ADGRB3: variants seen among roughly 807,000 people sequenced by gnomAD.
ADGRB3 encodes brain-specific angiogenesis inhibitor 3.
A neutral mutation model predicts 193.4 loss-of-function variants in ADGRB3; 37 were observed. The ratio of observed to expected loss-of-function variants is 0.19; its 90% CI spans 0.15 to 0.25. The LOEUF is 0.25. ADGRB3 is among the 10% of genes least tolerant of loss of function. The pLI, the probability that ADGRB3 is intolerant of heterozygous loss-of-function variation, is 1.00. For synonymous variants in ADGRB3, 690 were observed against 644.2 expected (o/e 1.07, Z -1.08); for missense variants, 1,637 against 1,852.9 (o/e 0.88, Z 2.14).
rs539876019 is a variant in ADGRB3 at position 69,025,348 on chromosome 6, C to T, written c.2107+6849C>T. 5.9e-5 allele frequency among the ~76,000 whole-genome samples: 9 copies of T among 152,162 alleles called. No individual in the cohort carries two copies. In the South Asian group the frequency reaches 1.7e-3, roughly 28 times the overall value. ...GTTCTTTAATAGAGAAACCAACTTT[C>T]AGTCTGACAATATTATTCTAAAATA... is the stretch of plus-strand genomic sequence containing the variant. On this transcript the variant is annotated intron_variant, in intron 13 of 31. Coordinates refer to ENST00000370598, the MANE Select transcript of ADGRB3 (RefSeq NM_001704.3).
At chr6:68,786,195 T>C (rs1252929817) in intron 3 of ADGRB3, among the ~76,000 whole-genome samples, 1 of 152,180 alleles carries the variant, frequency 6.6e-6, no homozygotes, top group Non-Finnish European at 1.5e-5. Flanking sequence ...TTGTTGCCAT[T>C]GCTTTTGGTG....
intron 5 of ADGRB3, among the ~76,000 whole-genome samples, chr6:68,938,401 A>G (rs1444875546): frequency 1.3e-5 from 2 of 150,032 alleles, no homozygotes; most frequent in African/African-American, 4.9e-5. Context: ...CTGGCAGGTA[A>G]CATGTATGTT....
chr6:69,156,248 G>A (rs146495513), intron 17 of ADGRB3, among the ~76,000 whole-genome samples: 69 of 152,304 alleles, frequency 4.5e-4, no homozygotes, highest in African/African-American at 1.6e-3. Flanking sequence ...GTTAAATTAT[G>A]TGAAGGAAAC....
At chr6:68,759,479 T>G (rs1766354338) in intron 3 of ADGRB3, among the ~76,000 whole-genome samples, 1 of 152,116 alleles carries the variant, frequency 6.6e-6, no homozygotes, top group African/African-American at 2.4e-5. Context: ...TCTTTTGTTT[T>G]AGTTCACTAT....
At chr6:69,010,755 A>G (rs1429062520) in intron 11 of ADGRB3, among the ~76,000 whole-genome samples, 1 of 146,950 alleles carries the variant, frequency 6.8e-6, no homozygotes, top group Admixed American at 6.9e-5. Flanking sequence ...AGTCTAGGTC[A>G]TGGAGATCAA....
chr6:69,361,675 A>T (rs1168976174), intron 29 of ADGRB3, among the ~76,000 whole-genome samples, 163 bp downstream of exon 29: 1 of 151,908 alleles, frequency 6.6e-6, no homozygotes, highest in Non-Finnish European at 1.5e-5. Context: ...CTGGCTATTG[A>T]GATTCAGTCT....
At chr6:68,878,003 G>A (rs967989969) in intron 3 of ADGRB3, among the ~76,000 whole-genome samples, 1 of 151,926 alleles carries the variant, frequency 6.6e-6, no homozygotes, top group Non-Finnish European at 1.5e-5. Context: ...ATGTTTAATG[G>A]AATATGAGTG....
intron 17 of ADGRB3, among the ~76,000 whole-genome samples, chr6:69,083,536 A>G (rs1387783576): frequency 6.6e-6 from 1 of 152,084 alleles, no homozygotes; most frequent in Non-Finnish European, 1.5e-5. Context: ...TATAAACATG[A>G]TAGATATACA....
chr6:69,080,877 A>G (rs1772367410), intron 17 of ADGRB3, among the ~76,000 whole-genome samples: 2 of 152,128 alleles, frequency 1.3e-5, no homozygotes, highest in South Asian at 4.1e-4. Context: ...TTAGTAAGAA[A>G]TCACAATTGT....
intron 3 of ADGRB3, among the ~76,000 whole-genome samples, chr6:68,678,054 TAA>T (rs1379502500): frequency 6.6e-6 from 1 of 152,162 alleles, no homozygotes; most frequent in African/African-American, 2.4e-5. Flanking sequence ...TAGATTATGT[TAA>T]GTCAAAAGAC....
intron 3 of ADGRB3, among the ~76,000 whole-genome samples, chr6:68,807,845 CAGTT>C (rs1238989351): frequency 4.6e-5 from 7 of 152,132 alleles, no homozygotes; most frequent in Middle Eastern, 3.4e-3. Context: ...AATTTATCAT[CAGTT>C]AGTTAATACT....
chr6:68,967,797 G>T lies in ADGRB3; in HGVS notation c.1526-6966G>T, dbSNP rs537972858. 5.4e-4 allele frequency among the ~76,000 whole-genome samples: 82 copies of T among 152,278 alleles called. 1 individual carries two copies. Among genetic ancestry groups the T allele is most frequent in the African/African-American group, 1.9e-3 (81 of 41,562 alleles). Reference sequence around the variant, plus strand: ...GGAGAAAGATAAAGGAGAGGAAGGGGTGGGAGTGTTTGAGGGGCAGTCAGT... The same window carrying T: ...GGAGAAAGATAAAGGAGAGGAAGGGTTGGGAGTGTTTGAGGGGCAGTCAGT... On this transcript the variant is annotated intron_variant, in intron 8 of 31. Transcript: ENST00000370598.
At chr6:69,235,370 C>A (rs1188854820) in intron 19 of ADGRB3, among the ~76,000 whole-genome samples, 1 of 152,048 alleles carries the variant, frequency 6.6e-6, no homozygotes, top group African/African-American at 2.4e-5. Context: ...CTTTTATTCT[C>A]ATTTCAAATG....
At chr6:69,221,280 C>A (rs187210633) in intron 17 of ADGRB3, among the ~76,000 whole-genome samples, 135 of 152,192 alleles carry the variant, frequency 8.9e-4, no homozygotes, top group African/African-American at 3.1e-3. Flanking sequence ...ATTTAAATAT[C>A]AACTTGCACT....
chr6:69,273,010 C>G (rs573397457), intron 20 of ADGRB3, among the ~76,000 whole-genome samples: 1 of 152,168 alleles, frequency 6.6e-6, no homozygotes, highest in Non-Finnish European at 1.5e-5. Flanking sequence ...AAGCGATTCT[C>G]CTGCCTCAGC....
intron 11 of ADGRB3, among the ~76,000 whole-genome samples, chr6:68,999,956 GA>G (rs1769516633): frequency 2.8e-5 from 4 of 143,120 alleles, no homozygotes; most frequent in African/African-American, 9.9e-5. Context: ...TAATTCAGAG[GA>G]AAAAAAGAAA....
intron 11 of ADGRB3, among the ~76,000 whole-genome samples, chr6:69,002,031 A>G (rs551483464): frequency 9.8e-5 from 15 of 152,310 alleles, no homozygotes; most frequent in Middle Eastern, 3.4e-3. Context: ...CTACTTGTTT[A>G]TCTGATACAT....
intron 17 of ADGRB3, among the ~76,000 whole-genome samples, chr6:69,093,556 A>AG (rs1772777632): frequency 6.7e-6 from 1 of 149,380 alleles, no homozygotes; most frequent in African/African-American, 2.5e-5. Flanking sequence ...GCTTAGGTTC[A>AG]GGGGGAGAGG....
At chr6:69,247,778 TTGAA>T (rs1163862082) in intron 20 of ADGRB3, among the ~76,000 whole-genome samples, 4 of 152,140 alleles carry the variant, frequency 2.6e-5, no homozygotes, top group Non-Finnish European at 5.9e-5. Context: ...TTAATAAATG[TTGAA>T]TGAATGAATG....
Sources: gnomAD v4.1 joint callset for allele counts (sites outside exome capture counted in the v4.1 genomes callset) on GRCh38, gnomAD v4.1.1 for gene constraint, MANE v1.5 for transcripts, NCBI Gene and HGNC (gene_info 2026-07-23, HGNC 2026-07-21) for gene names.